Variants in HCN1 observed in about 807,000 individuals in gnomAD.
The protein encoded by HCN1 is hyperpolarization activated cyclic nucleotide gated potassium channel 1.
A neutral mutation model predicts 78.9 loss-of-function variants in HCN1; 13 were observed. The ratio of observed to expected loss-of-function variants is 0.16; its 90% confidence interval spans 0.11 to 0.26. HCN1 has a LOEUF of 0.26. Ranked by LOEUF, HCN1 falls within the 10% of genes least tolerant of loss-of-function variation. The pLI is 1.00. For synonymous variants in HCN1, 552 were observed against 455.5 expected, an observed-to-expected ratio of 1.21 and a Z score of -2.70; for missense variants, 810 against 1,154.3, an observed-to-expected ratio of 0.70 and a Z score of 4.32.
At chr5:45,446,934 T>C (rs1273530158) in intron 3 of HCN1, among the ~76,000 whole-genome samples, 1 of 151,902 alleles carries the variant, frequency 6.6e-6, no homozygotes, top group Non-Finnish European at 1.5e-5. Context: ...TGCAAAATCA[T>C]TCCAAAATGT....
At chr5:45,296,440 A>G (rs1745495722) in intron 6 of HCN1, among the ~76,000 whole-genome samples, 1 of 151,890 alleles carries the variant, frequency 6.6e-6, no homozygotes, top group Admixed American at 6.6e-5. Flanking sequence ...TATGACACCA[A>G]ATTTGTATGA....
intron 2 of HCN1, among the ~76,000 whole-genome samples, chr5:45,506,269 A>G (rs1222416966): frequency 1.3e-5 from 2 of 152,166 alleles, no homozygotes; most frequent in African/African-American, 2.4e-5. Flanking sequence ...TATGTTCTTA[A>G]GACAACTTAC....
chr5:45,488,593 A>G (rs1741817794), intron 2 of HCN1, among the ~76,000 whole-genome samples: 1 of 152,138 alleles, frequency 6.6e-6, no homozygotes, highest in Admixed American at 6.6e-5. Flanking sequence ...GAAATGCTCT[A>G]AAGAGCTGCC....
intron 2 of HCN1, among the ~76,000 whole-genome samples, chr5:45,515,157 TA>T (rs1304359244): frequency 7.9e-6 from 1 of 126,360 alleles, no homozygotes; most frequent in East Asian, 2.5e-4. Context: ...CAGCTGATGT[TA>T]AAATATGTGA....
intron 5 of HCN1, among the ~76,000 whole-genome samples, chr5:45,311,540 T>A (rs1745851654): frequency 6.6e-6 from 1 of 152,184 alleles, no homozygotes; most frequent in Non-Finnish European, 1.5e-5. Flanking sequence ...CATGCAGAAA[T>A]GACATAATTT....
At chr5:45,494,265 G>A (rs1741970070) in intron 2 of HCN1, among the ~76,000 whole-genome samples, 1 of 151,952 alleles carries the variant, frequency 6.6e-6, no homozygotes, top group African/African-American at 2.4e-5. Context: ...AGCACCTGTT[G>A]TTTCCTGACT....
chr5:45,445,261 G>A lies in HCN1; in HGVS notation c.1011+16585C>T, dbSNP rs1057400498. On this transcript the variant is annotated intron_variant, in intron 3 of 7. Transcript: ENST00000303230. The stretch of plus-strand genomic sequence containing the variant: ...CCGCACCTGGCTCGGAGGGTCCTAC[G>A]CCCAGGTAGTCTCACTGATTGCTAG... Among the ~76,000 whole-genome samples, 8 of 152,272 alleles carry A rather than the reference G, an allele frequency of 5.3e-5. No homozygotes were observed. In the South Asian group the frequency reaches 1.0e-3, roughly 20 times the overall value.
rs760395263 is a variant in HCN1 at position 45,255,628 on chromosome 5, C to G, written c.*6293G>C. Reference sequence around the variant, plus strand: ...ATAGATGTTAGAAGAGTTAGGCAAACAAGATTTAATTTTGAATGCTTGGAA... The same window carrying G: ...ATAGATGTTAGAAGAGTTAGGCAAAGAAGATTTAATTTTGAATGCTTGGAA... On this transcript the variant is annotated 3_prime_UTR_variant, in exon 8 of 8. Coordinates refer to ENST00000303230, the MANE Select transcript of HCN1 (RefSeq NM_021072.4). 6.6e-6 allele frequency: 1 copy of G among 152,090 alleles called. No homozygotes were observed. Among genetic ancestry groups the G allele is most frequent in the Non-Finnish European group, 1.5e-5 (1 of 68,006 alleles). 9.4% of individuals were successfully genotyped at this position (152,090 alleles called of 1,614,324 possible). A position where few individuals can be genotyped will look rare whatever the true frequency, so the allele number is the denominator to read the frequency against.
intron 2 of HCN1, among the ~76,000 whole-genome samples, chr5:45,585,997 G>T (rs1417696965): frequency 1.3e-5 from 2 of 152,160 alleles, no homozygotes; most frequent in African/African-American, 4.8e-5. Context: ...GAGGCAGGCT[G>T]TCTGTTCTCA....
At chr5:45,622,604 G>A (rs571755823) in intron 2 of HCN1, among the ~76,000 whole-genome samples, 5 of 152,102 alleles carry the variant, frequency 3.3e-5, no homozygotes, top group Admixed American at 2.6e-4. Context: ...GATGAGAAAG[G>A]ATGAGCTGCA....
Position 45,259,451 on chromosome 5 carries a change from C to T in HCN1, c.*2470G>A, listed in dbSNP as rs189825510. The stretch of plus-strand genomic sequence containing the variant: ...TGTACAGATTAAAACTCCATACATA[C>T]GGGCTTCACTATGTACAGAGAAAAG... On this transcript the variant is annotated 3_prime_UTR_variant, in exon 8 of 8. Transcript: ENST00000303230. 371 of 152,354 alleles carry T rather than the reference C, an allele frequency of 2.4e-3. No individual in the cohort carries two copies. The highest frequency in any genetic ancestry group is 4.3e-3 in the Non-Finnish European group (295 of 67,856). The allele number at this position is 152,354 out of a possible 1,614,324, so 9.4% of individuals were successfully genotyped here. A position where few individuals can be genotyped will look rare whatever the true frequency, so the allele number is the denominator to read the frequency against.
intron 2 of HCN1, among the ~76,000 whole-genome samples, chr5:45,569,016 C>A (rs1465654496): frequency 6.6e-6 from 1 of 152,070 alleles, no homozygotes; most frequent in East Asian, 1.9e-4. Flanking sequence ...GTCTCCTTCC[C>A]ACTCCCCTGG....
Position 45,260,190 on chromosome 5 carries a change from T to C in HCN1, c.*1731A>G, listed in dbSNP as rs1000693953. The C allele has an allele frequency of 6.6e-6, 1 of 152,352 alleles. No homozygotes were observed. Among genetic ancestry groups the C allele is most frequent in the Admixed American group, 6.5e-5 (1 of 15,300 alleles). The allele number at this position is 152,352 out of a possible 1,614,324, so 9.4% of individuals were successfully genotyped here. ...AGGCCCTGTCCCACATAATGTGTGA[T>C]CTCTGTATGTTCTTAAATGTATTGC... On this transcript the variant is annotated 3_prime_UTR_variant, in exon 8 of 8. Transcript: ENST00000303230.
chr5:45,332,430 C>T (rs1746364042), intron 5 of HCN1, among the ~76,000 whole-genome samples: 1 of 151,066 alleles, frequency 6.6e-6, no homozygotes, highest in South Asian at 2.1e-4. Flanking sequence ...AGATCTTATT[C>T]ATTCTTTCTA....
At chr5:45,467,596 T>A (rs999464323) in intron 2 of HCN1, among the ~76,000 whole-genome samples, 1 of 151,878 alleles carries the variant, frequency 6.6e-6, no homozygotes, top group Non-Finnish European at 1.5e-5. Context: ...TACTACTTAA[T>A]TTTTTTTAAA....
intron 3 of HCN1, among the ~76,000 whole-genome samples, chr5:45,455,292 T>G (rs1051371446): frequency 6.6e-6 from 1 of 152,076 alleles, no homozygotes; most frequent in East Asian, 1.9e-4. Flanking sequence ...TTCAGAGCTC[T>G]CAATTCAAAT....
rs1028304344 is a variant in HCN1, at chr5:45,456,329, A to C, written c.1011+5517T>G. 2.6e-4 allele frequency among the ~76,000 whole-genome samples: 39 copies of C among 152,042 alleles called. 1 individual carries two copies. The highest frequency in any genetic ancestry group is 7.4e-5 in the Non-Finnish European group (5 of 67,920). On this transcript the variant is annotated intron_variant, in intron 3 of 7. Coordinates refer to ENST00000303230, the MANE Select transcript of HCN1 (RefSeq NM_021072.4). ...CACTTAAATAGATAACTGAATAATT[A>C]GTTTGCACATATTTTAAAAAATGCT...
intron 1 of HCN1, among the ~76,000 whole-genome samples, chr5:45,681,228 G>C (rs1157432736): frequency 1.3e-5 from 2 of 152,072 alleles, no homozygotes; most frequent in African/African-American, 2.4e-5. Context: ...GCAAAATCAG[G>C]TCTTGCAGTT....
chr5:45,581,750 T>C lies in HCN1; in HGVS notation c.849+63435A>G, dbSNP rs536579286. On this transcript the variant is annotated intron_variant, in intron 2 of 7. Coordinates refer to ENST00000303230, the MANE Select transcript of HCN1 (RefSeq NM_021072.4). ...AGCTTTCTGCATATGACTATCCAGT[T>C]TTCCCAGCACCATTTATTAAATAGG... Among the ~76,000 whole-genome samples, 38 of 152,326 alleles carry C rather than the reference T, an allele frequency of 2.5e-4. No individual in the cohort carries two copies. In the South Asian group the frequency reaches 7.7e-3, roughly 31 times the overall value.
Sources: allele counts gnomAD v4.1 joint callset (sites outside exome capture counted in the v4.1 genomes callset), GRCh38; gene constraint gnomAD v4.1.1; transcripts MANE v1.5; gene names NCBI Gene and HGNC (gene_info 2026-07-23, HGNC 2026-07-21).